The following IGSF3 variants were observed in gnomAD, a reference collection of about 807,000 sequenced individuals.
The protein encoded by IGSF3 is immunoglobulin superfamily member 3, also known as glu-Trp-Ile EWI motif-containing protein 3.
Under a neutral mutation model 114.4 loss-of-function variants are expected in IGSF3, and 23 were observed. The ratio of observed to expected loss-of-function variants is 0.20; its 90% CI spans 0.14 to 0.28. IGSF3 has a LOEUF of 0.28. Ranked by LOEUF, IGSF3 falls within the 10% of genes least tolerant of loss-of-function variation. The probability of loss-of-function intolerance (pLI) is 1.00; values close to 1 mark genes in which losing one functional copy is unlikely to be tolerated. For missense variants in IGSF3, 1,172 were observed against 1,591.5 expected, an observed-to-expected ratio of 0.74 and a Z score of 4.48; for synonymous variants, 571 against 645.2, an observed-to-expected ratio of 0.88 and a Z score of 1.74.
At chr1:116,601,303 G>A (rs1053142777) in intron 6 of IGSF3, among the ~76,000 whole-genome samples, 1 of 152,202 alleles carries the variant, frequency 6.6e-6, no homozygotes, top group Non-Finnish European at 1.5e-5. Context: ...ACATGTAACT[G>A]ATTCCAGGGG....
rs4044855 is a variant in IGSF3 at position 116,616,595 on chromosome 1, G to A, written c.44-138C>T. 16 of 656,240 alleles carry A rather than the reference G, an allele frequency of 2.4e-5. No individual in the cohort carries two copies. The highest frequency in any genetic ancestry group is 8.4e-5 in the East Asian group (3 of 35,854). The allele number at this position is 656,240 out of a possible 1,614,324, so 40.7% of individuals were successfully genotyped here. ...ACAGCTTACTGGCCCTTTCAAAGGC[G>A]CTTTGTGATTTATAAATATTAATTA... On this transcript the variant is annotated intron_variant, in intron 2 of 10. Coordinates refer to ENST00000369486, the MANE Select transcript of IGSF3 (RefSeq NM_001007237.3). The surrounding 1 kb of genome is among the most constrained non-coding windows in gnomAD (Gnocchi z 6.6).
At position 116,582,811 on chromosome 1, in the gene IGSF3, A is replaced by G. The variant is rs1208634086; in HGVS notation, c.2848+1834T>C. On this transcript the variant is annotated intron_variant, in intron 9 of 10. Transcript: ENST00000369486. This position sits in a 1 kb window ranked among gnomAD's most constrained non-coding sequence, Gnocchi z 4.7. ...CCAAAAAATATACACCAAATTATTA[A>G]TAGTAGATATTTGTAGGCCGTGAGA... 6.6e-6 allele frequency among the ~76,000 whole-genome samples: 1 copy of G among 152,244 alleles called. No individual in the cohort carries two copies. The highest frequency in any genetic ancestry group is 1.5e-5 in the Non-Finnish European group (1 of 68,048).
rs1353404747 is a variant in IGSF3 at position 116,595,337 on chromosome 1, C to T, written c.2029+4604G>A. Among the ~76,000 whole-genome samples, 1 of 152,138 alleles carries T rather than the reference C, an allele frequency of 6.6e-6. No homozygotes were observed. The highest frequency in any genetic ancestry group is 1.5e-5 in the Non-Finnish European group (1 of 68,028). ...ACCCATTCTATCTTGGCACAGACAA[C>T]AGGCAGAAGCCACCTGGGATGGAAG... On this transcript the variant is annotated intron_variant, in intron 7 of 10. Transcript: ENST00000369486. This position sits in a 1 kb window ranked among gnomAD's most constrained non-coding sequence, Gnocchi z 4.2.
In IGSF3 at chr1:116,592,133, A is replaced by G. The variant is rs1336379706; in HGVS notation, c.2030-3029T>C. On this transcript the variant is annotated intron_variant, in intron 7 of 10. Coordinates refer to ENST00000369486, the MANE Select transcript of IGSF3 (RefSeq NM_001007237.3). This position sits in a 1 kb window ranked among gnomAD's most constrained non-coding sequence, Gnocchi z 4.5. ...AGCACTGGGAGCTTGTTAGAAATGC[A>G]GACTCTCAGGCCCCACCCCAGACCC... 6.6e-6 allele frequency among the ~76,000 whole-genome samples: 1 copy of G among 152,188 alleles called. No homozygotes were observed. The highest frequency in any genetic ancestry group is 2.4e-5 in the African/African-American group (1 of 41,452).
chr1:116,631,998 C>T (rs1477814254), intron 2 of IGSF3, among the ~76,000 whole-genome samples: 1 of 152,204 alleles, frequency 6.6e-6, no homozygotes, highest in Non-Finnish European at 1.5e-5. Flanking sequence ...CCACTCGCCA[C>T]AAAGTTCAAG....
rs1052681543 is a variant in IGSF3, at chr1:116,584,863, T to C, written c.2630A>G (p.His877Arg). The change falls in exon 9 of 11, where the codon CAC becomes CGC. Residue 877 changes from histidine to arginine, a missense_variant. Physicochemically the swap from His to Arg is conservative, Grantham distance 29 (BLOSUM62 0). Coordinates refer to ENST00000369486, the MANE Select transcript of IGSF3 (RefSeq NM_001007237.3). This position sits in a 1 kb window ranked among gnomAD's most constrained non-coding sequence, Gnocchi z 5.8. ...VARLSRDATF[H>R]YGEQAAKNNL... is the part of the protein sequence containing the mutation. ...GTTCTTGGCTGCCTGCTCTCCATAGTGGAAGGTGGCGTCACGGCTCAAGCG... is the reference window on the plus strand; with the variant it reads ...GTTCTTGGCTGCCTGCTCTCCATAGCGGAAGGTGGCGTCACGGCTCAAGCG... The C allele has an allele frequency of 1.2e-6, 2 of 1,614,074 alleles. No homozygotes were observed. The highest frequency in any genetic ancestry group is 1.6e-4 in the Middle Eastern group (1 of 6,078).
At position 116,654,281 on chromosome 1, in the gene IGSF3, C is replaced by T. The variant is rs1648754693; in HGVS notation, c.43+12003G>A. Reference sequence around the variant, plus strand: ...GGGCAGCAGGCACCTGCTTTGGCACCTTGGCAATTTCCACCAGGCAGAATT... The same window carrying T: ...GGGCAGCAGGCACCTGCTTTGGCACTTTGGCAATTTCCACCAGGCAGAATT... On this transcript the variant is annotated intron_variant, in intron 2 of 10. Transcript: ENST00000369486. This position sits in a 1 kb window ranked among gnomAD's most constrained non-coding sequence, Gnocchi z 4.4. 6.6e-6 allele frequency among the ~76,000 whole-genome samples: 1 copy of T among 152,234 alleles called. No homozygotes were observed. The highest frequency in any genetic ancestry group is 2.1e-4 in the South Asian group (1 of 4,834).
chr1:116,608,005 C>T lies in IGSF3; in HGVS notation c.1159G>A (p.Gly387Arg), dbSNP rs759366082. The T allele has an allele frequency of 1.5e-5, 24 of 1,613,836 alleles. No individual in the cohort carries two copies. The highest frequency in any genetic ancestry group is 1.3e-4 in the Admixed American group (8 of 60,000). The change falls in exon 5 of 11, where the codon GGG becomes AGG. Residue 387 changes from glycine (G) to arginine (R), a missense_variant. Coordinates refer to ENST00000369486, the MANE Select transcript of IGSF3 (RefSeq NM_001007237.3). ...RVTEREKTVTGEFIDKESKRP... is the reference protein window; with the variant it reads ...RVTEREKTVTREFIDKESKRP... ...TTGCTCTCCTTATCAATGAATTCCC[C>T]GGTCACGGTTTTCTCTCGCTCAGTC...
chr1:116,611,577 CG>C (rs1163200354), intron 4 of IGSF3, among the ~76,000 whole-genome samples: 1 of 151,916 alleles, frequency 6.6e-6, no homozygotes, highest in Admixed American at 6.6e-5. Flanking sequence ...ACTCAACATC[CG>C]GAACTAGTCA....
rs925970672 is a variant in IGSF3, at chr1:116,665,964, A to G, written c.43+320T>C. Among the ~76,000 whole-genome samples the G allele has an allele frequency of 3.9e-5, 6 of 152,226 alleles. No individual in the cohort carries two copies. The highest frequency in any genetic ancestry group is 1.2e-4 in the African/African-American group (5 of 41,460). On this transcript the variant is annotated intron_variant, in intron 2 of 10. Transcript: ENST00000369486. The surrounding 1 kb of genome is among the most constrained non-coding windows in gnomAD (Gnocchi z 4.0). ...AAACACCAGAGCATCCATGTTTGAC[A>G]TGCTACAAGACAGCAGCCCACCAGC... is the stretch of plus-strand genomic sequence containing the variant.
intron 2 of IGSF3, among the ~76,000 whole-genome samples, chr1:116,619,559 C>T (rs544715182): frequency 6.6e-6 from 1 of 152,306 alleles, no homozygotes; most frequent in African/African-American, 2.4e-5. Context: ...TGCTTCTCAA[C>T]ATAAAAATAA....
Position 116,625,411 on chromosome 1 carries a change from T to C in IGSF3, c.44-8954A>G, listed in dbSNP as rs1055616761. Among the ~76,000 whole-genome samples, 1 of 152,214 alleles carries C rather than the reference T, an allele frequency of 6.6e-6. No homozygotes were observed. Among genetic ancestry groups the C allele is most frequent in the Non-Finnish European group, 1.5e-5 (1 of 68,040 alleles). On this transcript the variant is annotated intron_variant, in intron 2 of 10. Transcript: ENST00000369486. This position sits in a 1 kb window ranked among gnomAD's most constrained non-coding sequence, Gnocchi z 4.7. Reference sequence around the variant, plus strand: ...TACCACGTGAAAACACTGCAGTGCATTCCAGGATTAGCAAGAAGTTTGCGG... The same window carrying C: ...TACCACGTGAAAACACTGCAGTGCACTCCAGGATTAGCAAGAAGTTTGCGG...
Position 116,642,193 on chromosome 1 carries a change from T to C in IGSF3, c.43+24091A>G, listed in dbSNP as rs1016155358. Among the ~76,000 whole-genome samples, 28 of 152,158 alleles carry C rather than the reference T, an allele frequency of 1.8e-4. No individual in the cohort carries two copies. Among genetic ancestry groups the C allele is most frequent in the African/African-American group, 6.8e-4 (28 of 41,416 alleles). On this transcript the variant is annotated intron_variant, in intron 2 of 10. Transcript: ENST00000369486. This position sits in a 1 kb window ranked among gnomAD's most constrained non-coding sequence, Gnocchi z 5.4. ...TCATTTTTTTCCCACACACCTCGCA[T>C]CTGATTTTTGATTTTTAACATGTGC...
In IGSF3 at chr1:116,589,928, A is replaced by G. The variant is rs1270590606; in HGVS notation, c.2030-824T>C. 6.6e-6 allele frequency among the ~76,000 whole-genome samples: 1 copy of G among 152,034 alleles called. No individual in the cohort carries two copies. Among genetic ancestry groups the G allele is most frequent in the African/African-American group, 2.4e-5 (1 of 41,376 alleles). The stretch of plus-strand genomic sequence containing the variant: ...GCCTAGCGGACATTCTTATCGCTGC[A>G]CCCCCAGAGCCTAGCACAGCACCTG... On this transcript the variant is annotated intron_variant, in intron 7 of 10. Transcript: ENST00000369486. This position sits in a 1 kb window ranked among gnomAD's most constrained non-coding sequence, Gnocchi z 5.7.
intron 9 of IGSF3, among the ~76,000 whole-genome samples, chr1:116,581,147 T>A (rs1659584377): frequency 6.6e-6 from 1 of 152,200 alleles, no homozygotes; most frequent in Non-Finnish European, 1.5e-5. Flanking sequence ...TAAAGCCAGA[T>A]AACAGACGAC....
At position 116,585,362 on chromosome 1, in the gene IGSF3, G is replaced by T. The variant is rs1191371624; in HGVS notation, c.2441-310C>A. On this transcript the variant is annotated intron_variant, in intron 8 of 10. Coordinates refer to ENST00000369486, the MANE Select transcript of IGSF3 (RefSeq NM_001007237.3). This position sits in a 1 kb window ranked among gnomAD's most constrained non-coding sequence, Gnocchi z 4.9. ...GAGACTGCACATCCAAATGACAACG[G>T]ACCACAAAACATGTCGCTGGCCGGG... 6.6e-6 allele frequency among the ~76,000 whole-genome samples: 1 copy of T among 152,150 alleles called. No individual in the cohort carries two copies. The highest frequency in any genetic ancestry group is 1.5e-5 in the Non-Finnish European group (1 of 68,024).
At position 116,603,630 on chromosome 1, in the gene IGSF3, C is replaced by T; in HGVS notation, c.1618G>A (p.Ala540Thr). 6.2e-7 allele frequency: 1 copy of T among 1,613,094 alleles called. No homozygotes were observed. Among genetic ancestry groups the T allele is most frequent in the Non-Finnish European group, 8.5e-7 (1 of 1,179,264 alleles). Residue 540 changes from alanine to threonine, a missense_variant, in exon 6 of 11, where the codon GCT (alanine) becomes ACT (threonine). Around this residue, in one of 3 missense-constraint regions of IGSF3, gnomAD observed 736 missense variants for 1,042.0 expected, o/e 0.71. Transcript: ENST00000369486. The surrounding 1 kb of genome is among the most constrained non-coding windows in gnomAD (Gnocchi z 7.1). ...RRASTPISIT[A>T]LEMGFAVTAI... ...AGTCCCACCGCTCACTCACCAAGAG[C>T]TGTGATGGAGATGGGAGTGCTGGCC...
rs1330386349 is a variant in IGSF3 at position 116,649,085 on chromosome 1, C to T, written c.43+17199G>A. ...ACACAAATAGCTGTCAGCACTGCCA[C>T]CCATTACAGCTTCAGATCTCGCTTC... On this transcript the variant is annotated intron_variant, in intron 2 of 10. Coordinates refer to ENST00000369486, the MANE Select transcript of IGSF3 (RefSeq NM_001007237.3). The surrounding 1 kb of genome is among the most constrained non-coding windows in gnomAD (Gnocchi z 4.5). Among the ~76,000 whole-genome samples, 1 of 152,224 alleles carries T rather than the reference C, an allele frequency of 6.6e-6. No homozygotes were observed. The highest frequency in any genetic ancestry group is 1.9e-4 in the East Asian group (1 of 5,202).
chr1:116,603,528 C>A lies in IGSF3; in HGVS notation c.1624+96G>T. The A allele has an allele frequency of 8.2e-7, 1 of 1,223,836 alleles. No individual in the cohort carries two copies. The highest frequency in any genetic ancestry group is 1.4e-5 in the South Asian group (1 of 71,640). 75.8% of individuals were successfully genotyped at this position (1,223,836 alleles called of 1,614,324 possible). On this transcript the variant is annotated intron_variant, in intron 6 of 10. Coordinates refer to ENST00000369486, the MANE Select transcript of IGSF3 (RefSeq NM_001007237.3). The surrounding 1 kb of genome is among the most constrained non-coding windows in gnomAD (Gnocchi z 7.1). Reference sequence around the variant, plus strand: ...ATAGGTAAAAGACTGGCCATAGTTTCCTGCTAAAACTCTGACTGAGAAAAG... The same window carrying A: ...ATAGGTAAAAGACTGGCCATAGTTTACTGCTAAAACTCTGACTGAGAAAAG...
Sources: allele counts gnomAD v4.1 joint callset (sites outside exome capture counted in the v4.1 genomes callset), GRCh38; gene constraint gnomAD v4.1.1; regional missense constraint gnomAD v4.1.1; non-coding constraint Gnocchi (gnomAD v3.1); transcripts MANE v1.5; gene names NCBI Gene and HGNC (gene_info 2026-07-23, HGNC 2026-07-21).